The following MSANTD1 variants were observed in gnomAD, a reference collection of about 807,000 sequenced individuals.
MSANTD1 encodes Myb/SANT DNA binding domain containing 1.
A neutral mutation model predicts 24.2 loss-of-function variants in MSANTD1; 7 were observed. That is an observed-to-expected ratio of 0.29 (90% CI 0.16 to 0.54). MSANTD1 has a LOEUF of 0.54. MSANTD1 is among the 20% of genes least tolerant of loss of function. MSANTD1 has a pLI of 0.94. For synonymous variants in MSANTD1, 177 were observed against 181.1 expected (o/e 0.98, Z 0.18); for missense variants, 384 against 408.2 (o/e 0.94, Z 0.51).
upstream of MSANTD1, among the ~76,000 whole-genome samples, chr4:3,247,269 T>C (rs1722059378): frequency 6.6e-6 from 1 of 152,142 alleles, no homozygotes; most frequent in South Asian, 2.1e-4. Flanking sequence ...GGGGAGGACA[T>C]GACTAAGGTC....
intron 2 of MSANTD1, among the ~76,000 whole-genome samples, chr4:3,254,369 C>T (rs923312275): frequency 6.6e-6 from 1 of 152,234 alleles, no homozygotes; most frequent in Non-Finnish European, 1.5e-5. Flanking sequence ...GACAAAAACG[C>T]TTTTGCTGGC....
intron 1 of MSANTD1, among the ~76,000 whole-genome samples, chr4:3,250,406 G>A (rs1364764795): frequency 6.6e-6 from 1 of 152,198 alleles, no homozygotes; most frequent in African/African-American, 2.4e-5. Context: ...AAAGTGCGTG[G>A]GTCCCCAGCC....
Position 3,249,352 on chromosome 4 carries a change from C to G in MSANTD1, c.130C>G (p.Arg44Gly). The change falls in exon 1 of 3, where the codon CGC becomes GGC. Residue 44 changes from arginine (R) to glycine (G), a missense_variant. Coordinates refer to ENST00000438480, the MANE Select transcript of MSANTD1 (RefSeq NM_001042690.2). Reference protein sequence around the residue: ...SPQAEKHRRARNWTDAEMRGL... With the variant: ...SPQAEKHRRAGNWTDAEMRGL... ...CCAGGCGGAGAAGCACCGGCGGGCC[C>G]GCAACTGGACGGACGCCGAGATGCG... 1.3e-6 allele frequency: 2 copies of G among 1,556,072 alleles called. No homozygotes were observed. Among genetic ancestry groups the G allele is most frequent in the South Asian group, 1.2e-5 (1 of 84,664 alleles).
chr4:3,254,292 C>G (rs988268437), intron 2 of MSANTD1, among the ~76,000 whole-genome samples: 2 of 152,232 alleles, frequency 1.3e-5, no homozygotes, highest in African/African-American at 2.4e-5. Context: ...GAGAAGGCGT[C>G]TCCGAGGAGG....
intron 2 of MSANTD1, among the ~76,000 whole-genome samples, chr4:3,255,034 C>T (rs751084647): frequency 1.6e-4 from 25 of 152,168 alleles, no homozygotes; most frequent in Non-Finnish European, 3.1e-4. Context: ...CACCCCTGGC[C>T]CCCAACTGGG....
intron 2 of MSANTD1, 59 bp from the exon 3 acceptor site, chr4:3,255,666 G>A (rs1578637261): frequency 1.4e-6 from 2 of 1,457,456 alleles, no homozygotes; most frequent in East Asian, 2.5e-5. Context: ...GTCCGGTGAG[G>A]CCCCTGGTGT....
upstream of MSANTD1, chr4:3,248,373 CTG>C (rs1722103151): frequency 6.5e-6 from 1 of 152,746 alleles, no homozygotes. Flanking sequence ...CGTACCCAGA[CTG>C]TGCCCTGCCA....
upstream of MSANTD1, chr4:3,245,036 C>T (rs1462462590): frequency 6.6e-6 from 1 of 152,386 alleles, no homozygotes; most frequent in Non-Finnish European, 1.5e-5. Context: ...GTGGCCTCTC[C>T]TTTCAGAGCT....
chr4:3,249,166 G>C lies in MSANTD1; in HGVS notation c.-57G>C. ...ACTAAATTCCTGCCTGTCAGATGTA[G>C]GCCCCATTTTGAGCGTGGAGCTGCC... On this transcript the variant is annotated 5_prime_UTR_variant, in exon 1 of 3. An upstream open reading frame in the 5' UTR loses its in-frame stop. Coordinates refer to ENST00000438480, the MANE Select transcript of MSANTD1 (RefSeq NM_001042690.2). 7.6e-7 allele frequency: 1 copy of C among 1,310,470 alleles called. No individual in the cohort carries two copies. Among genetic ancestry groups the C allele is most frequent in the South Asian group, 2.2e-5 (1 of 45,710 alleles). The allele number at this position is 1,310,470 out of a possible 1,614,324, so 81.2% of individuals were successfully genotyped here. A position where few individuals can be genotyped will look rare whatever the true frequency, so the allele number is the denominator to read the frequency against.
At chr4:3,249,084 G>T, upstream of MSANTD1, 1 of 682,278 alleles carries the variant, frequency 1.5e-6, no homozygotes, top group Non-Finnish European at 2.2e-6. Flanking sequence ...TTATGCAGTT[G>T]CTCTGTTGCT....
At position 3,249,408 on chromosome 4, in the gene MSANTD1, C is replaced by G. The variant is rs758972293; in HGVS notation, c.186C>G (p.Phe62Leu). The change falls in exon 1 of 3, where the codon TTC becomes TTG. Residue 62 changes from phenylalanine to leucine, a missense_variant. Transcript: ENST00000438480. ...TCATGCTGGTCTGGGAGGAGTTCTT[C>G]GACGAGCTCAAGCAGACCAAGCGCA... ...RGLMLVWEEF[F>L]DELKQTKRNA... 1.2e-6 allele frequency: 2 copies of G among 1,601,456 alleles called. No individual in the cohort carries two copies. The highest frequency in any genetic ancestry group is 1.1e-5 in the South Asian group (1 of 88,356).
chr4:3,245,448 T>A (rs1056043323), upstream of MSANTD1: 1 of 152,452 alleles, frequency 6.6e-6, no homozygotes, highest in African/African-American at 2.4e-5. Flanking sequence ...GAGCCGCCAC[T>A]GAAGGGACTG....
intron 1 of MSANTD1, among the ~76,000 whole-genome samples, chr4:3,249,901 C>T (rs1413459074): frequency 6.6e-5 from 10 of 152,180 alleles, no homozygotes; most frequent in Admixed American, 5.2e-4. Context: ...ATGGTGGTGC[C>T]CACTGACCTC....
intron 1 of MSANTD1, among the ~76,000 whole-genome samples, chr4:3,251,723 A>G (rs1172458339): frequency 7.5e-6 from 1 of 133,968 alleles, no homozygotes; most frequent in African/African-American, 2.9e-5. Context: ...AACTCTTTAT[A>G]TATTAAGGCT....
intron 1 of MSANTD1, among the ~76,000 whole-genome samples, chr4:3,249,777 A>G (rs1009358541): frequency 6.6e-6 from 1 of 152,180 alleles, no homozygotes; most frequent in African/African-American, 2.4e-5. Context: ...AGGGCAGGAA[A>G]CCAGTCTAAG....
upstream of MSANTD1, chr4:3,246,564 G>A: frequency 1.6e-6 from 1 of 633,066 alleles, no homozygotes; most frequent in Non-Finnish European, 2.9e-6. Context: ...CTCCTGCCGA[G>A]GCCTGACCTG....
At chr4:3,245,008 C>T (rs1721977379), upstream of MSANTD1, 1 of 152,338 alleles carries the variant, frequency 6.6e-6, no homozygotes, top group Non-Finnish European at 1.5e-5. Context: ...ATAGGTGACA[C>T]CGCTCCAGGG....
chr4:3,246,777 T>C (rs867967003), upstream of MSANTD1: 12 of 620,642 alleles, frequency 1.9e-5, no homozygotes, highest in Middle Eastern at 1.3e-3. Flanking sequence ...TGTCCTCACA[T>C]TGGAGGTCAG....
Position 3,253,060 on chromosome 4 carries a change from C to G in MSANTD1, c.321-147C>G, listed in dbSNP as rs1578634881. 5.6e-6 allele frequency: 4 copies of G among 708,460 alleles called. No individual in the cohort carries two copies. The East Asian group carries it at 1.2e-4, about 20-fold the overall frequency. The allele number at this position is 708,460 out of a possible 1,614,324, so 43.9% of individuals were successfully genotyped here. A position where few individuals can be genotyped will look rare whatever the true frequency, so the allele number is the denominator to read the frequency against. On this transcript the variant is annotated intron_variant, in intron 1 of 2. Coordinates refer to ENST00000438480, the MANE Select transcript of MSANTD1 (RefSeq NM_001042690.2). ...GTCCATTGTCATCTTGACCCTGGAG[C>G]CTGGCCGATTTTGCTGGGGAGGCCC...
Sources: gnomAD v4.1 joint callset for allele counts (sites outside exome capture counted in the v4.1 genomes callset) on GRCh38, gnomAD v4.1.1 for gene constraint, MANE v1.5 for transcripts, NCBI Gene and HGNC (gene_info 2026-07-23, HGNC 2026-07-21) for gene names.